PRKDC: variants seen among roughly 807,000 people sequenced by gnomAD.
The protein encoded by PRKDC is DNA-dependent protein kinase catalytic subunit.
Under a neutral mutation model 486.9 loss-of-function variants are expected in PRKDC, and 82 were observed. The ratio of observed to expected loss-of-function variants is 0.17; its 90% CI spans 0.14 to 0.20. The LOEUF (loss-of-function observed/expected upper bound fraction) is 0.20, where lower values mean the gene tolerates loss of function less well. Ranked by LOEUF, PRKDC falls within the 10% of genes least tolerant of loss-of-function variation. PRKDC has a pLI of 1.00. For synonymous variants in PRKDC, 1,895 were observed against 1,837.0 expected, an observed-to-expected ratio of 1.03 and a Z score of -0.81; for missense variants, 4,504 against 5,038.2, an observed-to-expected ratio of 0.89 and a Z score of 3.21.
chr8:47,898,482 C>T lies in PRKDC; in HGVS notation c.3452G>A (p.Arg1151Gln), dbSNP rs1244109200. The change falls in exon 29 of 86, where the codon CGA becomes CAA. Residue 1151 changes from arginine (R) to glutamine (Q), a missense_variant. Arg to Gln is a conservative substitution (Grantham distance 43). Around this residue, in one of 6 missense-constraint regions of PRKDC, gnomAD observed 1,969 missense variants for 2,068.9 expected, o/e 0.95. Transcript: ENST00000314191. ...KHVSLNKAKK[R>Q]RLPRGFPPSA... The stretch of plus-strand genomic sequence containing the variant: ...CAAGATCACCTACCGCGGCAAACGT[C>T]GTTTCTTTGCTTTATTTAAAGAAAC... 1.3e-6 allele frequency: 2 copies of T among 1,555,036 alleles called. No individual in the cohort carries two copies. Among genetic ancestry groups the T allele is most frequent in the African/African-American group, 2.7e-5 (2 of 73,968 alleles).
At chr8:47,848,523 C>T (rs2088326098) in intron 54 of PRKDC, among the ~76,000 whole-genome samples, 1 of 152,054 alleles carries the variant, frequency 6.6e-6, no homozygotes, top group Admixed American at 6.6e-5. Context: ...GAAAAACTAA[C>T]TACTAGGTAC....
At chr8:47,935,079 C>G (rs1466297209) in intron 13 of PRKDC, 21 bp from the exon 14 acceptor site, 1 of 1,438,368 alleles carries the variant, frequency 7.0e-7, no homozygotes, top group South Asian at 1.4e-5. Flanking sequence ...AAAAAGAAAA[C>G]AAAAATGAAG....
In PRKDC at chr8:47,933,194, A is replaced by T. The variant is rs576688000; in HGVS notation, c.1624-22T>A. ...AATCCTTTAAATAAAGAAAAACAAT[A>T]AACTTCAAAATCTTGTGCAAAAATG... On this transcript the variant is annotated intron_variant, in intron 15 of 85. Coordinates refer to ENST00000314191, the MANE Select transcript of PRKDC (RefSeq NM_006904.7). 3.6e-4 allele frequency: 522 copies of T among 1,450,718 alleles called. 10 individuals carry two copies. The South Asian group carries it at 6.4e-3, about 18-fold the overall frequency. 89.9% of individuals were successfully genotyped at this position (1,450,718 alleles called of 1,614,324 possible). A position where few individuals can be genotyped will look rare whatever the true frequency, so the allele number is the denominator to read the frequency against.
intron 80 of PRKDC, among the ~76,000 whole-genome samples, chr8:47,780,508 GTTT>G (rs1000978437): frequency 1.3e-5 from 2 of 152,198 alleles, no homozygotes; most frequent in Non-Finnish European, 2.9e-5. Flanking sequence ...AGACAGAACA[GTTT>G]CACGTGTGAC....
Position 47,932,784 on chromosome 8 carries a change from A to T in PRKDC, c.1776+236T>A, listed in dbSNP as rs2090278958. Among the ~76,000 whole-genome samples the T allele has an allele frequency of 2.0e-5, 3 of 151,920 alleles. No individual in the cohort carries two copies. The South Asian group carries it at 6.2e-4, about 31-fold the overall frequency. On this transcript the variant is annotated intron_variant, in intron 16 of 85. Transcript: ENST00000314191. ...AAGAAACAAATGAACCTAGTAAATA[A>T]TTTTTTCAAAAAAAAAATTAACATA...
At chr8:47,841,600 C>T (rs2154499921) in intron 54 of PRKDC, among the ~76,000 whole-genome samples, 1 of 152,298 alleles carries the variant, frequency 6.6e-6, no homozygotes, top group Admixed American at 6.5e-5. Flanking sequence ...GGTCTAAGCA[C>T]ATCGTTCAGG....
At chr8:47,825,970 T>C (rs1046146989) in intron 63 of PRKDC, among the ~76,000 whole-genome samples, 7 of 152,218 alleles carry the variant, frequency 4.6e-5, no homozygotes, top group Non-Finnish European at 8.8e-5. Flanking sequence ...GGCACAGCAC[T>C]TGTACACTCA....
chr8:47,939,333 C>T (rs1167613773), intron 11 of PRKDC, among the ~76,000 whole-genome samples: 1 of 152,160 alleles, frequency 6.6e-6, no homozygotes, highest in African/African-American at 2.4e-5. Flanking sequence ...AAAGGTCAGC[C>T]CTCTATATAA....
At chr8:47,887,430 A>C (rs1046791385) in intron 35 of PRKDC, 117 bp downstream of exon 35, 1 of 962,482 alleles carries the variant, frequency 1.0e-6, no homozygotes, top group African/African-American at 1.7e-5. Flanking sequence ...CAAATCATAC[A>C]ATACTTGTCC....
chr8:47,933,320 G>C, intron 15 of PRKDC, 148 bp from the exon 16 acceptor site: 1 of 611,728 alleles, frequency 1.6e-6, no homozygotes, highest in Non-Finnish European at 2.6e-6. Context: ...TTACCTGGAA[G>C]TTTTCAAGTT....
Position 47,900,288 on chromosome 8 carries a change from A to T in PRKDC, c.3364+85T>A. On this transcript the variant is annotated intron_variant, in intron 28 of 85. Transcript: ENST00000314191. ...GAACTCTTGGGAAAAAAAAAACCTT[A>T]TAAGAGAATCACACGAGCCTTAACT... 3.2e-6 allele frequency: 3 copies of T among 948,020 alleles called. No homozygotes were observed. The East Asian group carries it at 9.3e-5, about 29-fold the overall frequency. 58.7% of individuals were successfully genotyped at this position (948,020 alleles called of 1,614,324 possible). A position where few individuals can be genotyped will look rare whatever the true frequency, so the allele number is the denominator to read the frequency against.
rs766279016 is a variant in PRKDC, at chr8:47,866,156, C to CAA, written c.5364-1395_5364-1394dup. Among the ~76,000 whole-genome samples, 311 of 49,728 alleles carry CAA rather than the reference C, an allele frequency of 6.3e-3. 1 individual carries two copies. The highest frequency in any genetic ancestry group is 0.011 in the Middle Eastern group (1 of 94). The allele number at this position is 49,728 out of a possible 152,430, so 32.6% of individuals were successfully genotyped here. A position where few individuals can be genotyped will look rare whatever the true frequency, so the allele number is the denominator to read the frequency against. The stretch of plus-strand genomic sequence containing the variant: ...GGGCAACAATAGAGAAACTCCGTCG[C>CAA]AAAAAAAAAAAAAAAAAAAAAAAGA... On this transcript the variant is annotated intron_variant, in intron 40 of 85. Coordinates refer to ENST00000314191, the MANE Select transcript of PRKDC (RefSeq NM_006904.7).
At chr8:47,790,567 T>G (rs1304922615) in intron 74 of PRKDC, among the ~76,000 whole-genome samples, 3 of 152,136 alleles carry the variant, frequency 2.0e-5, no homozygotes, top group Non-Finnish European at 4.4e-5. Flanking sequence ...ATCCTAAAAT[T>G]TGTATGGAAC....
chr8:47,852,673 G>GT lies in PRKDC; in HGVS notation c.7004dup (p.Asn2335LysfsTer9). On this transcript the variant is annotated frameshift_variant and splice_region_variant, in exon 52 of 86. Transcript: ENST00000314191. LOFTEE classifies it high-confidence loss of function. The stretch of plus-strand genomic sequence containing the variant: ...ATTGAAAATTGTGTAGCACACTCAC[G>GT]TTTTTTCTCTCCATAACATATCGAA... The GT allele has an allele frequency of 6.5e-7, 1 of 1,550,132 alleles. No individual in the cohort carries two copies. The highest frequency in any genetic ancestry group is 8.7e-7 in the Non-Finnish European group (1 of 1,143,384).
intron 41 of PRKDC, 80 bp downstream of exon 41, chr8:47,864,476 G>T: frequency 3.1e-6 from 4 of 1,298,492 alleles, no homozygotes; most frequent in South Asian, 2.8e-5. Flanking sequence ...GAGGCCATGT[G>T]ACTGAGCACA....
chr8:47,785,024 C>T, intron 77 of PRKDC, 89 bp downstream of exon 77: 4 of 1,219,070 alleles, frequency 3.3e-6, no homozygotes, highest in Non-Finnish European at 4.7e-6. Flanking sequence ...TGTCAATATC[C>T]CAGTATCACT....
intron 40 of PRKDC, among the ~76,000 whole-genome samples, chr8:47,866,331 T>C (rs2088811929): frequency 6.6e-6 from 1 of 152,036 alleles, no homozygotes; most frequent in Admixed American, 6.6e-5. Context: ...GAGAAATACT[T>C]TTCTGTTGTT....
chr8:47,922,257 C>T (rs925140386), intron 21 of PRKDC, among the ~76,000 whole-genome samples: 1 of 152,120 alleles, frequency 6.6e-6, no homozygotes, highest in African/African-American at 2.4e-5. Context: ...CTCAGCCTCC[C>T]AAGTAGCTGA....
At position 47,828,169 on chromosome 8, in the gene PRKDC, T is replaced by C. The variant is rs766508025; in HGVS notation, c.8576A>G (p.Gln2859Arg). 2 of 1,612,392 alleles carry C rather than the reference T, an allele frequency of 1.2e-6. No homozygotes were observed. The highest frequency in any genetic ancestry group is 2.2e-5 in the South Asian group (2 of 90,788). The change falls in exon 62 of 86, where the codon CAG (glutamine) becomes CGG (arginine). Residue 2859 changes from glutamine (Q) to arginine (R), a missense_variant and splice_region_variant. This residue lies in a region of PRKDC where 1,592 missense variants were observed against 1,724.6 expected (regional missense o/e 0.92). Transcript: ENST00000314191. The stretch of plus-strand genomic sequence containing the variant: ...TGATGAAGTGTGTGCAGACTTTACC[T>C]GAATACAAGAGACAAAGGGTGGAAA... ...SFFPPFVSCI[Q>R]DISCQHAALL...
Sources: gnomAD v4.1 joint callset for allele counts (sites outside exome capture counted in the v4.1 genomes callset) on GRCh38, gnomAD v4.1.1 for gene constraint, gnomAD v4.1.1 regional missense constraint, MANE v1.5 for transcripts, NCBI Gene and HGNC (gene_info 2026-07-23, HGNC 2026-07-21) for gene names.